Variants in KAZN observed in about 807,000 individuals in gnomAD.
KAZN encodes the protein kazrin.
KAZN carries 40 observed loss-of-function variants against 87.4 expected under a neutral mutation model. The observed-to-expected ratio is 0.46, with a 90% CI of 0.36 to 0.60. The LOEUF is 0.60. Among genes scored for constraint, KAZN ranks in the 20% least tolerant of loss-of-function variants. The probability of loss-of-function intolerance (pLI) is 0.00; values close to 1 mark genes in which losing one functional copy is unlikely to be tolerated. For missense variants in KAZN, 898 were observed against 1,073.9 expected (o/e 0.84, Z 2.29); for synonymous variants, 466 against 458.3 (o/e 1.02, Z -0.22).
intron 1 of KAZN, among the ~76,000 whole-genome samples, chr1:14,875,764 C>T (rs1011829698): frequency 2.0e-5 from 3 of 152,220 alleles, no homozygotes; most frequent in African/African-American, 4.8e-5. Context: ...CCCAACCCTC[C>T]ACAGTTGATT....
intron 2 of KAZN, among the ~76,000 whole-genome samples, chr1:14,531,157 A>T (rs1378871478): frequency 6.6e-6 from 1 of 152,174 alleles, no homozygotes; most frequent in Non-Finnish European, 1.5e-5. Context: ...ACGCATCTCA[A>T]TTGCAGAGTG....
chr1:14,425,096 G>C (rs986932299), intron 2 of KAZN, among the ~76,000 whole-genome samples: 1 of 152,202 alleles, frequency 6.6e-6, no homozygotes, highest in African/African-American at 2.4e-5. Flanking sequence ...GATGCAGAGA[G>C]GAGGTTGGGA....
At chr1:15,068,566 G>A (rs1639368268) in intron 8 of KAZN, among the ~76,000 whole-genome samples, 3 of 151,862 alleles carry the variant, frequency 2.0e-5, no homozygotes, top group Non-Finnish European at 1.5e-5. Context: ...CGCGTCCCAC[G>A]ATCCCACCCT....
At chr1:14,438,244 T>C (rs910340867) in intron 2 of KAZN, among the ~76,000 whole-genome samples, 1 of 152,168 alleles carries the variant, frequency 6.6e-6, no homozygotes, top group Admixed American at 6.5e-5. Flanking sequence ...ATTTACCAAG[T>C]GCCTGCCAGG....
intron 1 of KAZN, among the ~76,000 whole-genome samples, chr1:14,687,849 C>G (rs1247923630): frequency 6.6e-6 from 1 of 152,154 alleles, no homozygotes; most frequent in Non-Finnish European, 1.5e-5. Flanking sequence ...ATTATGCAAA[C>G]CCAGGAGGCA....
chr1:14,544,718 C>T (rs1053258555), intron 2 of KAZN, among the ~76,000 whole-genome samples: 2 of 149,374 alleles, frequency 1.3e-5, no homozygotes, highest in African/African-American at 5.0e-5. Context: ...GCTCAGAAGA[C>T]ATCCCTTGGC....
chr1:14,908,850 A>G (rs991968782), intron 1 of KAZN, among the ~76,000 whole-genome samples: 1 of 151,898 alleles, frequency 6.6e-6, no homozygotes, highest in African/African-American at 2.4e-5. Flanking sequence ...CCCCATCTCT[A>G]CTAAATATGC....
intron 2 of KAZN, among the ~76,000 whole-genome samples, chr1:14,482,613 C>T (rs1669141527): frequency 6.6e-6 from 1 of 151,328 alleles, no homozygotes; most frequent in African/African-American, 2.4e-5. Context: ...TCAATCAATG[C>T]AGAATAATGG....
chr1:14,851,794 C>T (rs1468356308), intron 1 of KAZN, among the ~76,000 whole-genome samples: 1 of 152,190 alleles, frequency 6.6e-6, no homozygotes, highest in African/African-American at 2.4e-5. Flanking sequence ...GGGATGTCAG[C>T]TCTTCCTGAC....
intron 2 of KAZN, among the ~76,000 whole-genome samples, chr1:14,413,722 T>G (rs1664511596): frequency 6.6e-6 from 1 of 150,946 alleles, no homozygotes; most frequent in African/African-American, 2.4e-5. Flanking sequence ...TCTGAAGACA[T>G]TAAAATTAAA....
chr1:14,019,460 T>G (rs892274629), intron 1 of KAZN, among the ~76,000 whole-genome samples: 3 of 152,238 alleles, frequency 2.0e-5, no homozygotes, highest in Non-Finnish European at 4.4e-5. Flanking sequence ...TAGCCATTTC[T>G]TCTTTGCTAG....
intron 2 of KAZN, among the ~76,000 whole-genome samples, chr1:14,411,206 A>G (rs1256565779): frequency 6.6e-6 from 1 of 152,230 alleles, no homozygotes; most frequent in Non-Finnish European, 1.5e-5. Flanking sequence ...AATGTAGCCC[A>G]GAAGACAATG....
At chr1:14,981,525 G>A (rs1298190563) in intron 2 of KAZN, among the ~76,000 whole-genome samples, 2 of 152,226 alleles carry the variant, frequency 1.3e-5, no homozygotes, top group African/African-American at 4.8e-5. Flanking sequence ...TGGTGATCAG[G>A]CAGTGGTATC....
chr1:14,883,747 G>A (rs1653744271), intron 1 of KAZN, among the ~76,000 whole-genome samples: 1 of 152,176 alleles, frequency 6.6e-6, no homozygotes, highest in Non-Finnish European at 1.5e-5. Flanking sequence ...GAATCAGACA[G>A]GGGGCCTACC....
At chr1:14,652,090 C>T (rs1026292834) in intron 1 of KAZN, among the ~76,000 whole-genome samples, 6 of 152,192 alleles carry the variant, frequency 3.9e-5, no homozygotes, top group African/African-American at 1.2e-4. Flanking sequence ...GTGAGGGCCA[C>T]CTTCAGGAAT....
At chr1:14,120,520 T>C (rs1644729699) in intron 1 of KAZN, among the ~76,000 whole-genome samples, 1 of 152,192 alleles carries the variant, frequency 6.6e-6, no homozygotes, top group African/African-American at 2.4e-5. Flanking sequence ...TTGGGTTTCA[T>C]CTTACCTCAA....
At chr1:15,001,985 A>T (rs921875391) in intron 2 of KAZN, among the ~76,000 whole-genome samples, 52 of 137,860 alleles carry the variant, frequency 3.8e-4, no homozygotes, top group African/African-American at 1.5e-3. Flanking sequence ...GGTTCACGCC[A>T]TTCTCCTGCC....
At chr1:14,851,776 A>G (rs891087967) in intron 1 of KAZN, among the ~76,000 whole-genome samples, 1 of 152,150 alleles carries the variant, frequency 6.6e-6, no homozygotes, top group Non-Finnish European at 1.5e-5. Flanking sequence ...ATACATAGAC[A>G]TGCTTAAGGG....
At chr1:15,053,423 C>T (rs928201489) in intron 4 of KAZN, among the ~76,000 whole-genome samples, 3 of 152,202 alleles carry the variant, frequency 2.0e-5, no homozygotes, top group African/African-American at 7.2e-5. Flanking sequence ...AGAGCTGTTC[C>T]CTGGGCCATC....
Sources: gnomAD v4.1 joint callset for allele counts (sites outside exome capture counted in the v4.1 genomes callset) on GRCh38, gnomAD v4.1.1 for gene constraint, MANE v1.5 for transcripts, NCBI Gene and HGNC (gene_info 2026-07-23, HGNC 2026-07-21) for gene names.